Variants in AMZ1 observed in about 807,000 individuals in gnomAD.
AMZ1 encodes the protein archaelysin family metallopeptidase 1, also known as archaemetzincin-1.
Under a neutral mutation model 29.9 loss-of-function variants are expected in AMZ1, and 39 were observed. The observed-to-expected ratio is 1.30, with a 90% confidence interval of 1.01 to 1.70. The LOEUF is 1.70. Ranked by LOEUF, AMZ1 falls within the 40% of genes most tolerant of loss-of-function variation. AMZ1 has a pLI of 0.00. For synonymous variants in AMZ1, 458 were observed against 304.0 expected (o/e 1.51, Z -5.27); for missense variants, 1,041 against 680.6 (o/e 1.53, Z -5.89).
chr7:2,725,661 T>C (rs570209701), intron 4 of AMZ1, among the ~76,000 whole-genome samples: 2 of 152,238 alleles, frequency 1.3e-5, no homozygotes, highest in East Asian at 3.9e-4. Context: ...TGGGCTCCAC[T>C]CCCAGAGCTC....
intron 1 of AMZ1, among the ~76,000 whole-genome samples, chr7:2,690,136 C>T (rs1406546595): frequency 6.6e-6 from 1 of 152,228 alleles, no homozygotes; most frequent in African/African-American, 2.4e-5. Flanking sequence ...TAAGCGTTCT[C>T]ATTCCTAGCT....
chr7:2,744,551 A>G (rs1790673516), intron 4 of AMZ1, among the ~76,000 whole-genome samples: 1 of 152,200 alleles, frequency 6.6e-6, no homozygotes, highest in Non-Finnish European at 1.5e-5. Flanking sequence ...AAGGTAGAAA[A>G]GACCACAAAG....
chr7:2,723,330 C>T (rs1208330337), downstream of AMZ1, among the ~76,000 whole-genome samples: 2 of 152,330 alleles, frequency 1.3e-5, no homozygotes, highest in South Asian at 2.1e-4. Flanking sequence ...ATCCAGACAG[C>T]CTGGGTGAGC....
upstream of AMZ1, chr7:2,763,133 G>T: frequency 8.2e-7 from 1 of 1,225,088 alleles, no homozygotes; most frequent in Non-Finnish European, 1.0e-6. Context: ...TCTCTTCTCA[G>T]AAGCATTTCT....
At chr7:2,706,580 C>G (rs1788366625) in intron 3 of AMZ1, among the ~76,000 whole-genome samples, 1 of 152,224 alleles carries the variant, frequency 6.6e-6, no homozygotes, top group South Asian at 2.1e-4. Flanking sequence ...AAGTTGCTGG[C>G]AATGCCCAGC....
At chr7:2,711,962 G>T (rs978043498) in intron 6 of AMZ1, among the ~76,000 whole-genome samples, 1 of 152,190 alleles carries the variant, frequency 6.6e-6, no homozygotes, top group African/African-American at 2.4e-5. Flanking sequence ...CAGGAGAATT[G>T]CTTGAACCTG....
rs1419005550 is a variant in AMZ1 at position 2,707,226 on chromosome 7, T to C, written c.473-1362T>C. On this transcript the variant is annotated intron_variant, in intron 3 of 6. Transcript: ENST00000683327. ...AGGCGGAGGTTACAGTGAACTGAGA[T>C]AGATAGCGCCACTACACTGCAGCCT... 6.0e-5 allele frequency among the ~76,000 whole-genome samples: 9 copies of C among 150,790 alleles called. 1 individual carries two copies. The highest frequency in any genetic ancestry group is 4.2e-4 in the South Asian group (2 of 4,800).
intron 4 of AMZ1, chr7:2,728,158 G>A (rs1449206897): frequency 8.5e-5 from 13 of 152,316 alleles, no homozygotes; most frequent in Non-Finnish European, 1.3e-4. Context: ...TTCAGAGGCT[G>A]AGGGTGGCCA....
intron 4 of AMZ1, among the ~76,000 whole-genome samples, chr7:2,732,355 T>C (rs1398962832): frequency 6.6e-6 from 1 of 152,154 alleles, no homozygotes; most frequent in East Asian, 1.9e-4. Context: ...AAGAACAGCC[T>C]GGGCAACATA....
intron 4 of AMZ1, among the ~76,000 whole-genome samples, chr7:2,744,492 G>A (rs549762919): frequency 2.0e-5 from 3 of 152,252 alleles, no homozygotes; most frequent in East Asian, 3.9e-4. Flanking sequence ...CAAACAGGAA[G>A]GACATCCACA....
chr7:2,712,630 G>T lies in AMZ1; in HGVS notation c.1249G>T (p.Ala417Ser), dbSNP rs1298945825. 2.5e-6 allele frequency: 4 copies of T among 1,612,934 alleles called. No homozygotes were observed. The highest frequency in any genetic ancestry group is 1.3e-5 in the African/African-American group (1 of 74,930). ...HERWLAMCIQALQREVAEEDL... is the reference protein window; with the variant it reads ...HERWLAMCIQSLQREVAEEDL... ...ACGGTGGCTGGCCATGTGCATCCAGGCCCTGCAGCGGGAAGTGGCAGAGGA... is the reference window on the plus strand; with the variant it reads ...ACGGTGGCTGGCCATGTGCATCCAGTCCCTGCAGCGGGAAGTGGCAGAGGA... Residue 417 changes from alanine to serine, a missense_variant, in exon 7 of 7, where the codon GCC becomes TCC. Ala to Ser is a moderately conservative substitution (Grantham distance 99, BLOSUM62 1). Coordinates refer to ENST00000683327, the MANE Select transcript of AMZ1 (RefSeq NM_001384743.1).
intron 6 of AMZ1, among the ~76,000 whole-genome samples, chr7:2,711,050 C>T (rs964917528): frequency 6.6e-5 from 10 of 152,268 alleles, no homozygotes; most frequent in South Asian, 6.2e-4. Context: ...CCTCCCTACA[C>T]GTGCTGACCT....
chr7:2,760,444 T>A (rs1791503437), upstream of AMZ1: 1 of 152,438 alleles, frequency 6.6e-6, no homozygotes, highest in African/African-American at 2.4e-5. Flanking sequence ...CCGGACGCTG[T>A]GGTAAGCACC....
At chr7:2,687,585 C>G (rs56149719), upstream of AMZ1, among the ~76,000 whole-genome samples, 31,785 of 152,282 alleles carry the variant, frequency 0.21, 3,911 homozygotes, top group East Asian at 0.32. Flanking sequence ...CTTTCCATCT[C>G]CTGGTGGCTG....
At chr7:2,696,029 A>G (rs61306475) in intron 1 of AMZ1, among the ~76,000 whole-genome samples, 1,902 of 148,596 alleles carry the variant, frequency 0.013, 48 homozygotes, top group African/African-American at 0.043. Flanking sequence ...AAAAAAAAAA[A>G]GGAAATGGAC....
At chr7:2,733,129 A>G (rs533856749) in intron 4 of AMZ1, among the ~76,000 whole-genome samples, 1 of 152,188 alleles carries the variant, frequency 6.6e-6, no homozygotes, top group African/African-American at 2.4e-5. Context: ...GATAACTGCC[A>G]TGCCTGGGGT....
chr7:2,683,927 C>T (rs1160625218), upstream of AMZ1, among the ~76,000 whole-genome samples: 1 of 151,920 alleles, frequency 6.6e-6, no homozygotes, highest in Non-Finnish European at 1.5e-5. Context: ...CCTATAATCC[C>T]AGCACTTTGG....
chr7:2,701,005 C>A (rs1441484015), intron 2 of AMZ1, among the ~76,000 whole-genome samples: 3 of 152,186 alleles, frequency 2.0e-5, no homozygotes, highest in Non-Finnish European at 2.9e-5. Context: ...GTGGCCTCAT[C>A]CAGATGTGCA....
rs183264910 is a variant in AMZ1, at chr7:2,738,858, G to A, written n.551-25854G>A. Among the ~76,000 whole-genome samples the A allele has an allele frequency of 1.8e-3, 274 of 152,276 alleles. 2 individuals carry two copies. Among genetic ancestry groups the A allele is most frequent in the African/African-American group, 6.2e-3 (256 of 41,572 alleles). Reference sequence around the variant, plus strand: ...TTGTTTGTTTTTTTGTTTTTTGCCAGAATGTGAAAGTACAGAGGAGCTGGC... The same window carrying A: ...TTGTTTGTTTTTTTGTTTTTTGCCAAAATGTGAAAGTACAGAGGAGCTGGC... On this transcript the variant is annotated intron_variant and non_coding_transcript_variant, in intron 4 of 4. Coordinates refer to the AMZ1 transcript ENST00000489665.
Sources: allele counts gnomAD v4.1 joint callset (sites outside exome capture counted in the v4.1 genomes callset), GRCh38; gene constraint gnomAD v4.1.1; transcripts MANE v1.5; gene names NCBI Gene and HGNC (gene_info 2026-07-23, HGNC 2026-07-21).